HDAC9: variants seen among roughly 807,000 people sequenced by gnomAD.
HDAC9 encodes the protein MEF-2 interacting transcription repressor (MITR) protein.
In HDAC9, 41 loss-of-function variants were observed where a neutral mutation model predicts 139.4. That is an observed-to-expected ratio of 0.29 (90% CI 0.23 to 0.38). The LOEUF (loss-of-function observed/expected upper bound fraction) is 0.38. Among genes scored for constraint, HDAC9 ranks in the 10% least tolerant of loss-of-function variants. The pLI is 1.00. For missense variants in HDAC9, 1,147 were observed against 1,297.0 expected (o/e 0.88, Z 1.78); for synonymous variants, 517 against 476.2 (o/e 1.09, Z -1.12).
chr7:18,814,688 T>C (rs1318950295), intron 17 of HDAC9, among the ~76,000 whole-genome samples: 2 of 152,242 alleles, frequency 1.3e-5, no homozygotes, highest in African/African-American at 4.8e-5. Context: ...CATAATTTAA[T>C]TTCTGTGGTC....
rs73320008 is a variant in HDAC9, at chr7:18,855,704, G to T, written c.2685-18774G>T. 6.9e-3 allele frequency among the ~76,000 whole-genome samples: 1,055 copies of T among 151,966 alleles called. 15 individuals carry two copies. Among genetic ancestry groups the T allele is most frequent in the African/African-American group, 0.024 (984 of 41,436 alleles). Reference sequence around the variant, plus strand: ...TGTCAGTTAATGTTTCCCTTGCATAGGTCAGAAGGTGGAGAGGGGAAGAAA... The same window carrying T: ...TGTCAGTTAATGTTTCCCTTGCATATGTCAGAAGGTGGAGAGGGGAAGAAA... On this transcript the variant is annotated intron_variant, in intron 21 of 25. Transcript: ENST00000686413.
intron 2 of HDAC9, among the ~76,000 whole-genome samples, chr7:18,191,282 G>A (rs1333228279): frequency 6.6e-6 from 1 of 152,144 alleles, no homozygotes; most frequent in Non-Finnish European, 1.5e-5. Flanking sequence ...AGCTGTGTGG[G>A]TGAAGAAAAG....
At chr7:18,582,235 A>G (rs1238489215) in intron 2 of HDAC9, among the ~76,000 whole-genome samples, 1 of 152,212 alleles carries the variant, frequency 6.6e-6, no homozygotes, top group Non-Finnish European at 1.5e-5. Flanking sequence ...AGTTACTTAT[A>G]GTAATAGAGC....
At chr7:18,894,310 T>C (rs974758246) in intron 22 of HDAC9, among the ~76,000 whole-genome samples, 3 of 152,154 alleles carry the variant, frequency 2.0e-5, no homozygotes, top group Non-Finnish European at 4.4e-5. Context: ...AGACTGTTGC[T>C]TGGGACACTC....
chr7:18,892,621 G>A (rs1191974178), intron 22 of HDAC9: 2 of 152,058 alleles, frequency 1.3e-5, no homozygotes, highest in Admixed American at 6.6e-5. Context: ...CTCTTCCACT[G>A]TAAGGTCTTG....
chr7:18,171,685 C>T (rs1005722755), intron 2 of HDAC9, among the ~76,000 whole-genome samples: 2 of 152,166 alleles, frequency 1.3e-5, no homozygotes, highest in Admixed American at 6.5e-5. Context: ...AAGGCCTTTT[C>T]TGCATCTATT....
intron 21 of HDAC9, among the ~76,000 whole-genome samples, chr7:18,872,223 C>G (rs1036863794): frequency 1.4e-4 from 21 of 151,934 alleles, no homozygotes; most frequent in African/African-American, 4.8e-4. Context: ...CTTTTTCTTA[C>G]TTTTTGGAAT....
At chr7:18,682,581 T>C (rs1435588543) in intron 12 of HDAC9, among the ~76,000 whole-genome samples, 1 of 152,084 alleles carries the variant, frequency 6.6e-6, no homozygotes, top group Admixed American at 6.6e-5. Flanking sequence ...AAATAAAATA[T>C]AGCCATGGCA....
intron 22 of HDAC9, chr7:18,907,024 A>C (rs985666367): frequency 1.3e-5 from 2 of 152,206 alleles, no homozygotes; most frequent in Admixed American, 1.3e-4. Context: ...CTCTTTTCAC[A>C]TCGGGAGCAC....
chr7:18,795,257 T>TAAAAAAAAAAAAAAAAAAAAAAAAAAAA (rs5882676), intron 17 of HDAC9, among the ~76,000 whole-genome samples: 1 of 65,482 alleles, frequency 1.5e-5, no homozygotes, highest in African/African-American at 6.9e-5. Context: ...AAGAAAACAG[T>TAAAAAAAAAAAAAAAAAAAAAAAAAAAA]AAAAAAAAAA....
At chr7:18,917,608 C>G (rs536549088) in intron 22 of HDAC9, among the ~76,000 whole-genome samples, 2 of 152,056 alleles carry the variant, frequency 1.3e-5, no homozygotes, top group South Asian at 4.1e-4. Context: ...AAGAAGGACA[C>G]GAGTGAAGAG....
At chr7:18,447,052 T>C (rs1159045055) in intron 1 of HDAC9, among the ~76,000 whole-genome samples, 3 of 152,190 alleles carry the variant, frequency 2.0e-5, no homozygotes, top group Non-Finnish European at 4.4e-5. Flanking sequence ...ATTCCCATCT[T>C]GATAGATTCT....
intron 12 of HDAC9, among the ~76,000 whole-genome samples, chr7:18,711,052 C>G (rs1319715681): frequency 6.6e-6 from 1 of 152,098 alleles, no homozygotes; most frequent in Non-Finnish European, 1.5e-5. Flanking sequence ...TGTCTGGATG[C>G]CTAGAATATG....
At chr7:18,982,875 C>A (rs868198145) in intron 25 of HDAC9, among the ~76,000 whole-genome samples, 20 of 152,050 alleles carry the variant, frequency 1.3e-4, no homozygotes, top group African/African-American at 4.6e-4. Flanking sequence ...TTTGTTTATC[C>A]GTATACCTAC....
intron 7 of HDAC9, among the ~76,000 whole-genome samples, chr7:18,633,100 C>A (rs915424498): frequency 1.3e-5 from 2 of 151,864 alleles, no homozygotes; most frequent in African/African-American, 4.8e-5. Context: ...CATATGAAGT[C>A]ATGATACTGA....
intron 11 of HDAC9, among the ~76,000 whole-genome samples, chr7:18,655,627 T>C (rs1372034603): frequency 6.6e-6 from 1 of 152,190 alleles, no homozygotes; most frequent in African/African-American, 2.4e-5. Flanking sequence ...TGAAATCCTG[T>C]GTTTGGAAAA....
At chr7:18,725,301 C>A (rs1257703653) in intron 12 of HDAC9, among the ~76,000 whole-genome samples, 1 of 152,118 alleles carries the variant, frequency 6.6e-6, no homozygotes, top group Non-Finnish European at 1.5e-5. Flanking sequence ...GGTAAAATTG[C>A]ACAGGGCCCC....
At chr7:18,196,608 A>G (rs1050107151) in intron 2 of HDAC9, among the ~76,000 whole-genome samples, 3 of 152,188 alleles carry the variant, frequency 2.0e-5, no homozygotes, top group Admixed American at 6.6e-5. Flanking sequence ...ATGTAAAGCA[A>G]TATATAATAA....
chr7:18,101,570 G>A (rs1782863099), intron 1 of HDAC9, among the ~76,000 whole-genome samples: 1 of 152,092 alleles, frequency 6.6e-6, no homozygotes, highest in Non-Finnish European at 1.5e-5. Context: ...GACTACTTAA[G>A]TATTTAATGC....
Sources: allele counts gnomAD v4.1 joint callset (sites outside exome capture counted in the v4.1 genomes callset), GRCh38; gene constraint gnomAD v4.1.1; transcripts MANE v1.5; gene names NCBI Gene and HGNC (gene_info 2026-07-23, HGNC 2026-07-21).